Variants in CDH7 observed in about 807,000 individuals in gnomAD.
CDH7 encodes the protein cadherin 7.
In CDH7, 25 loss-of-function variants were observed where a neutral mutation model predicts 71.8. That is an observed-to-expected ratio of 0.35 (90% CI 0.25 to 0.49). CDH7 has a LOEUF of 0.49. CDH7 is among the 20% of genes least tolerant of loss of function. The pLI is 0.99. For missense variants in CDH7, 862 were observed against 974.6 expected, an observed-to-expected ratio of 0.88 and a Z score of 1.54; for synonymous variants, 381 against 363.8, an observed-to-expected ratio of 1.05 and a Z score of -0.54.
chr18:65,830,800 T>A lies in CDH7; in HGVS notation c.981+5969T>A, dbSNP rs116549984. ...TTCTTTCTTAGCCTTGAGGTCATTT[T>A]AAGTTTTTTTCCTTGCCTCTTCCTG... On this transcript the variant is annotated intron_variant, in intron 6 of 11. Transcript: ENST00000397968. 5.8e-3 allele frequency among the ~76,000 whole-genome samples: 864 copies of A among 149,954 alleles called. 9 individuals carry two copies. The highest frequency in any genetic ancestry group is 0.02 in the African/African-American group (819 of 40,212).
intron 6 of CDH7, among the ~76,000 whole-genome samples, chr18:65,830,713 CTT>C (rs1912315354): frequency 2.5e-5 from 2 of 79,768 alleles, no homozygotes; most frequent in Admixed American, 1.8e-4. Context: ...TCTTTTTCTT[CTT>C]TCTCTCTCTC....
At chr18:65,819,502 G>GAT (rs1340903943) in intron 4 of CDH7, among the ~76,000 whole-genome samples, 1 of 152,034 alleles carries the variant, frequency 6.6e-6, no homozygotes, top group African/African-American at 2.4e-5. Context: ...CTTACCTCTT[G>GAT]ATATATATTA....
intron 2 of CDH7, among the ~76,000 whole-genome samples, chr18:65,786,330 T>C (rs1910511148): frequency 6.6e-6 from 1 of 152,066 alleles, no homozygotes; most frequent in African/African-American, 2.4e-5. Context: ...ATAAAATATA[T>C]GGATTTTAAA....
At chr18:65,782,132 T>TTC (rs1910316738) in intron 2 of CDH7, among the ~76,000 whole-genome samples, 1 of 88,366 alleles carries the variant, frequency 1.1e-5, no homozygotes, top group Non-Finnish European at 1.9e-5. Context: ...CTTTCTTTCT[T>TTC]TCTTTCTTTC....
At position 65,776,810 on chromosome 18, in the gene CDH7, A is replaced by G. The variant is rs1017772939; in HGVS notation, c.210+13758A>G. 5.9e-5 allele frequency among the ~76,000 whole-genome samples: 9 copies of G among 152,190 alleles called. 1 individual carries two copies. The highest frequency in any genetic ancestry group is 2.2e-4 in the African/African-American group (9 of 41,448). ...CAGTTCCACAAGTGGTAGCATTTAAATATCAGCAGCTTAAGTATTCAAAAT... is the reference window on the plus strand; with the variant it reads ...CAGTTCCACAAGTGGTAGCATTTAAGTATCAGCAGCTTAAGTATTCAAAAT... On this transcript the variant is annotated intron_variant, in intron 2 of 11. Coordinates refer to ENST00000397968, the MANE Select transcript of CDH7 (RefSeq NM_004361.5).
chr18:65,784,113 A>ATTTTTTTTTTTTTTTTTTTTTTTTT (rs72393865), intron 2 of CDH7, among the ~76,000 whole-genome samples: 1 of 106,812 alleles, frequency 9.4e-6, no homozygotes. Flanking sequence ...ACCCACAGCT[A>ATTTTTTTTTTTTTTTTTTTTTTTTT]TTTTTTTTTT....
intron 6 of CDH7, among the ~76,000 whole-genome samples, chr18:65,834,340 A>G (rs1186765321): frequency 6.6e-6 from 1 of 152,158 alleles, no homozygotes; most frequent in African/African-American, 2.4e-5. Flanking sequence ...TTCAAGGAAA[A>G]GCTCTATAGT....
chr18:65,750,880 C>A (rs751334064), upstream of CDH7: 3 of 152,218 alleles, frequency 2.0e-5, no homozygotes, highest in Non-Finnish European at 4.4e-5. Flanking sequence ...AGGGGCCCCT[C>A]GCAGTGAGCA....
intron 11 of CDH7, among the ~76,000 whole-genome samples, chr18:65,879,277 T>C (rs1340420314): frequency 1.3e-5 from 2 of 152,190 alleles, no homozygotes; most frequent in Non-Finnish European, 2.9e-5. Context: ...TTTAAAAATA[T>C]TTCACGCCTG....
chr18:65,831,895 G>A (rs911172528), intron 6 of CDH7, among the ~76,000 whole-genome samples: 24 of 151,842 alleles, frequency 1.6e-4, no homozygotes, highest in African/African-American at 5.6e-4. Context: ...GAATGCTATG[G>A]ACAGTCCACC....
At chr18:65,859,941 A>G in intron 10 of CDH7, 116 bp downstream of exon 10, 1 of 637,576 alleles carries the variant, frequency 1.6e-6, no homozygotes, top group Non-Finnish European at 2.8e-6. Context: ...CAATAATTAA[A>G]GGGCAATGAG....
At chr18:65,844,550 ACTAG>A (rs1912868775) in intron 7 of CDH7, among the ~76,000 whole-genome samples, 1 of 152,068 alleles carries the variant, frequency 6.6e-6, no homozygotes, top group Non-Finnish European at 1.5e-5. Context: ...TTTTAAAAAA[ACTAG>A]CTACATATAA....
At chr18:65,782,111 T>C (rs35372888) in intron 2 of CDH7, among the ~76,000 whole-genome samples, 1,079 of 23,568 alleles carry the variant, frequency 0.046, 20 homozygotes, top group Middle Eastern at 0.062. Flanking sequence ...TCCTTCCTTC[T>C]TTCTTTCTTT....
At chr18:65,869,004 C>T (rs190898881) in intron 11 of CDH7, among the ~76,000 whole-genome samples, 217 of 152,192 alleles carry the variant, frequency 1.4e-3, no homozygotes, top group Middle Eastern at 3.4e-3. Context: ...TAGAAATCTC[C>T]AGAGAAACAT....
At chr18:65,788,444 GAGAA>G (rs1364843716) in intron 2 of CDH7, among the ~76,000 whole-genome samples, 1 of 152,182 alleles carries the variant, frequency 6.6e-6, no homozygotes, top group African/African-American at 2.4e-5. Flanking sequence ...GGGAATGAGA[GAGAA>G]AGAAAAAGAA....
At chr18:65,761,829 G>A (rs1158087715) in intron 1 of CDH7, among the ~76,000 whole-genome samples, 2 of 152,134 alleles carry the variant, frequency 1.3e-5, no homozygotes, top group East Asian at 1.9e-4. Flanking sequence ...CTGGATGCAT[G>A]CCAGCAATGA....
At position 65,766,391 on chromosome 18, in the gene CDH7, G is replaced by C. The variant is rs1916368486; in HGVS notation, c.210+3339G>C. On this transcript the variant is annotated intron_variant, in intron 2 of 11. Coordinates refer to ENST00000397968, the MANE Select transcript of CDH7 (RefSeq NM_004361.5). Reference sequence around the variant, plus strand: ...AGCATATTATTTTAGGTAGTTTACTGAGTTGCTTTTTACATATGATAACCA... The same window carrying C: ...AGCATATTATTTTAGGTAGTTTACTCAGTTGCTTTTTACATATGATAACCA... Among the ~76,000 whole-genome samples, 3 of 152,076 alleles carry C rather than the reference G, an allele frequency of 2.0e-5. No individual in the cohort carries two copies. The South Asian group carries it at 6.2e-4, about 32-fold the overall frequency.
chr18:65,818,278 A>G (rs116883473), intron 4 of CDH7, among the ~76,000 whole-genome samples: 1,655 of 152,188 alleles, frequency 0.011, 9 homozygotes, highest in Middle Eastern at 0.034. Context: ...TTTAATTTCA[A>G]TGGTTATCAA....
At chr18:65,818,552 A>G (rs1342320609) in intron 4 of CDH7, among the ~76,000 whole-genome samples, 3 of 152,224 alleles carry the variant, frequency 2.0e-5, no homozygotes, top group Non-Finnish European at 4.4e-5. Context: ...TCTAAACATC[A>G]TGTAACGTAA....
Sources: allele counts gnomAD v4.1 joint callset (sites outside exome capture counted in the v4.1 genomes callset), GRCh38; gene constraint gnomAD v4.1.1; transcripts MANE v1.5; gene names NCBI Gene and HGNC (gene_info 2026-07-23, HGNC 2026-07-21).